KCTD16: variants seen among roughly 807,000 people sequenced by gnomAD.
KCTD16 encodes the protein BTB/POZ domain-containing protein KCTD16.
In KCTD16, 13 loss-of-function variants were observed where a neutral mutation model predicts 33.2. The ratio of observed to expected loss-of-function variants is 0.39; its 90% CI spans 0.25 to 0.62. The LOEUF (loss-of-function observed/expected upper bound fraction) is 0.62. Among genes scored for constraint, KCTD16 ranks in the 20% least tolerant of loss-of-function variants. The pLI, the probability that KCTD16 is intolerant of heterozygous loss-of-function variation, is 0.50. For synonymous variants in KCTD16, 197 were observed against 195.3 expected, an observed-to-expected ratio of 1.01 and a Z score of -0.07; for missense variants, 441 against 525.1, an observed-to-expected ratio of 0.84 and a Z score of 1.57.
chr5:144,288,881 T>A (rs1358696720), intron 3 of KCTD16, among the ~76,000 whole-genome samples: 1 of 152,196 alleles, frequency 6.6e-6, no homozygotes, highest in Non-Finnish European at 1.5e-5. Flanking sequence ...AATCCCATCA[T>A]GGCACATGCC....
intron 3 of KCTD16, among the ~76,000 whole-genome samples, chr5:144,386,713 A>T (rs919255207): frequency 6.6e-6 from 1 of 152,210 alleles, no homozygotes; most frequent in African/African-American, 2.4e-5. Context: ...GTGAAGAAAA[A>T]AAGAATGAAA....
At chr5:144,367,439 C>T (rs115235617) in intron 3 of KCTD16, among the ~76,000 whole-genome samples, 4,062 of 152,168 alleles carry the variant, frequency 0.027, 84 homozygotes, top group African/African-American at 0.044. Flanking sequence ...AAATAGTTTT[C>T]CTTTTTCTTT....
intron 3 of KCTD16, among the ~76,000 whole-genome samples, chr5:144,445,374 G>T (rs1187355832): frequency 6.6e-6 from 1 of 152,026 alleles, no homozygotes; most frequent in Non-Finnish European, 1.5e-5. Context: ...TTTTGGAACA[G>T]TGGACTGCAA....
intron 2 of KCTD16, among the ~76,000 whole-genome samples, chr5:144,182,273 C>T (rs775203851): frequency 3.9e-5 from 6 of 152,122 alleles, no homozygotes; most frequent in Non-Finnish European, 8.8e-5. Context: ...TTGCCAGGTG[C>T]CAGCACCATG....
At chr5:144,254,577 G>A (rs1222472730) in intron 3 of KCTD16, among the ~76,000 whole-genome samples, 1 of 151,996 alleles carries the variant, frequency 6.6e-6, no homozygotes, top group Non-Finnish European at 1.5e-5. Context: ...TTACATTGTT[G>A]TTGACTGTAA....
intron 3 of KCTD16, among the ~76,000 whole-genome samples, chr5:144,405,771 G>T (rs767850859): frequency 2.4e-4 from 37 of 152,280 alleles, no homozygotes; most frequent in African/African-American, 8.9e-4. Flanking sequence ...TCAGAAAATT[G>T]ATTGGAATTG....
At chr5:144,448,144 C>A (rs1264141128) in intron 3 of KCTD16, among the ~76,000 whole-genome samples, 1 of 151,898 alleles carries the variant, frequency 6.6e-6, no homozygotes, top group Non-Finnish European at 1.5e-5. Context: ...CCCATTGATG[C>A]TGTAGTCTCT....
intron 3 of KCTD16, among the ~76,000 whole-genome samples, chr5:144,329,897 A>G (rs1470541290): frequency 6.6e-6 from 1 of 152,178 alleles, no homozygotes; most frequent in African/African-American, 2.4e-5. Flanking sequence ...GCATTGAGTC[A>G]TGAGAGGTTG....
intron 3 of KCTD16, chr5:144,384,111 T>C (rs1752274050): frequency 6.6e-6 from 1 of 152,112 alleles, no homozygotes; most frequent in Non-Finnish European, 1.5e-5. Context: ...TGAGTGGGAG[T>C]CATTGAAATG....
chr5:144,466,975 AATATATATAACACTATATATATT>A (rs1437414907), intron 3 of KCTD16, among the ~76,000 whole-genome samples: 119 of 130,130 alleles, frequency 9.1e-4, no homozygotes, highest in African/African-American at 3.4e-3. Context: ...TATTATATAT[AATATATATAACACTATATATATT>A]ATATATATTA....
At chr5:144,179,143 G>A (rs1171325880) in intron 2 of KCTD16, among the ~76,000 whole-genome samples, 1 of 152,146 alleles carries the variant, frequency 6.6e-6, no homozygotes, top group East Asian at 1.9e-4. Context: ...ACCTACAGTT[G>A]CATGTGTTGA....
At chr5:144,412,679 A>T (rs1752958405) in intron 3 of KCTD16, among the ~76,000 whole-genome samples, 2 of 152,154 alleles carry the variant, frequency 1.3e-5, no homozygotes, top group South Asian at 4.2e-4. Context: ...TGAGGTCAGG[A>T]GTTCAAGACC....
chr5:144,249,172 T>A (rs1450273605), intron 3 of KCTD16, among the ~76,000 whole-genome samples: 1 of 152,182 alleles, frequency 6.6e-6, no homozygotes, highest in African/African-American at 2.4e-5. Context: ...GGACCTTATT[T>A]CTGTTTCTTG....
chr5:144,395,315 T>C (rs892943071), intron 3 of KCTD16, among the ~76,000 whole-genome samples: 3 of 152,232 alleles, frequency 2.0e-5, no homozygotes, highest in African/African-American at 7.2e-5. Context: ...TCTGATATAC[T>C]GAACTAAACA....
chr5:144,362,232 A>C (rs1751730489), intron 3 of KCTD16, among the ~76,000 whole-genome samples: 1 of 152,176 alleles, frequency 6.6e-6, no homozygotes, highest in African/African-American at 2.4e-5. Flanking sequence ...CAGTAGGCAA[A>C]GTTGATATCC....
chr5:144,377,742 G>T (rs1561585914), intron 3 of KCTD16: 1 of 152,116 alleles, frequency 6.6e-6, no homozygotes, highest in Non-Finnish European at 1.5e-5. Context: ...TGTCATTTCA[G>T]GTTCACTAAG....
intron 3 of KCTD16, among the ~76,000 whole-genome samples, chr5:144,429,777 A>AG (rs1753416275): frequency 6.6e-6 from 1 of 152,136 alleles, no homozygotes; most frequent in Non-Finnish European, 1.5e-5. Context: ...CTGAACTAAA[A>AG]TAAGGAATAC....
Position 144,308,786 on chromosome 5 carries a change from A to C in KCTD16, c.832+101240A>C, listed in dbSNP as rs1018104013. Among the ~76,000 whole-genome samples the C allele has an allele frequency of 8.6e-5, 13 of 151,712 alleles. 1 individual carries two copies. The highest frequency in any genetic ancestry group is 4.4e-5 in the Non-Finnish European group (3 of 67,930). On this transcript the variant is annotated intron_variant, in intron 3 of 3. Coordinates refer to ENST00000512467, the MANE Select transcript of KCTD16 (RefSeq NM_020768.4). ...TGGGGTGGGGTAGGGTGGGTGCAAA[A>C]CCCTTTTAATAAAATAATAGTGAAA...
chr5:144,300,586 T>C (rs1751405525), intron 3 of KCTD16, among the ~76,000 whole-genome samples: 1 of 152,172 alleles, frequency 6.6e-6, no homozygotes, highest in Non-Finnish European at 1.5e-5. Flanking sequence ...CAATGAATAC[T>C]TGTTGATTAT....
Sources: allele counts gnomAD v4.1 joint callset (sites outside exome capture counted in the v4.1 genomes callset), GRCh38; gene constraint gnomAD v4.1.1; transcripts MANE v1.5; gene names NCBI Gene and HGNC (gene_info 2026-07-23, HGNC 2026-07-21).